MGAT4C: variants seen among roughly 807,000 people sequenced by gnomAD.
MGAT4C encodes MGAT4 family member C.
Under a neutral mutation model 40.1 loss-of-function variants are expected in MGAT4C, and 19 were observed. The ratio of observed to expected loss-of-function variants is 0.47; its 90% CI spans 0.33 to 0.70. The LOEUF (loss-of-function observed/expected upper bound fraction) is 0.70. MGAT4C is among the 30% of genes least tolerant of loss of function. The probability of loss-of-function intolerance (pLI) is 0.02; values close to 1 mark genes in which losing one functional copy is unlikely to be tolerated. For synonymous variants in MGAT4C, 181 were observed against 187.1 expected, an observed-to-expected ratio of 0.97 and a Z score of 0.27; for missense variants, 491 against 563.2, an observed-to-expected ratio of 0.87 and a Z score of 1.30.
At chr12:86,210,320 T>A (rs2135956617) in intron 1 of MGAT4C, among the ~76,000 whole-genome samples, 1 of 152,330 alleles carries the variant, frequency 6.6e-6, no homozygotes, top group South Asian at 2.1e-4. Context: ...GTTCAGCAAA[T>A]TTTTGTTTCA....
At chr12:86,269,282 T>C (rs1952883071) in intron 4 of MGAT4C, among the ~76,000 whole-genome samples, 1 of 151,222 alleles carries the variant, frequency 6.6e-6, no homozygotes, top group Non-Finnish European at 1.5e-5. Flanking sequence ...TCTTACCTCA[T>C]CTACATATTT....
At chr12:86,768,905 C>G (rs1267354272) in intron 1 of MGAT4C, among the ~76,000 whole-genome samples, 2 of 151,904 alleles carry the variant, frequency 1.3e-5, no homozygotes, top group Non-Finnish European at 2.9e-5. Context: ...GACCTAAAAC[C>G]ATAAAAACCC....
intron 2 of MGAT4C, among the ~76,000 whole-genome samples, chr12:86,502,359 A>G (rs1958362120): frequency 6.6e-6 from 1 of 151,942 alleles, no homozygotes; most frequent in Non-Finnish European, 1.5e-5. Context: ...GGAAGAAAAT[A>G]TCATTAGGTA....
intron 2 of MGAT4C, among the ~76,000 whole-genome samples, chr12:86,660,517 AAG>A (rs1209331114): frequency 6.6e-6 from 1 of 152,170 alleles, no homozygotes; most frequent in Admixed American, 6.6e-5. Context: ...GAGTTCAGGA[AAG>A]AGATCTAACC....
At chr12:86,068,910 G>A (rs990404100) in intron 1 of MGAT4C, among the ~76,000 whole-genome samples, 3 of 152,108 alleles carry the variant, frequency 2.0e-5, no homozygotes, top group South Asian at 4.1e-4. Flanking sequence ...ACTCTGTGAA[G>A]TCCCTCTGTA....
intron 3 of MGAT4C, among the ~76,000 whole-genome samples, chr12:86,420,433 T>C (rs1034240461): frequency 2.0e-5 from 3 of 152,062 alleles, no homozygotes; most frequent in Non-Finnish European, 4.4e-5. Flanking sequence ...TGTTTACTGT[T>C]TAAGCTAATG....
intron 1 of MGAT4C, among the ~76,000 whole-genome samples, chr12:86,164,559 G>A (rs1336590922): frequency 3.9e-5 from 6 of 152,136 alleles, no homozygotes; most frequent in Admixed American, 1.3e-4. Context: ...ATTCTAACTG[G>A]TAATTTTTCT....
intron 3 of MGAT4C, among the ~76,000 whole-genome samples, chr12:86,389,879 T>C (rs1956133494): frequency 6.6e-6 from 1 of 152,234 alleles, no homozygotes; most frequent in Non-Finnish European, 1.5e-5. Context: ...GGATACAGCA[T>C]ATTTCACCGT....
intron 1 of MGAT4C, among the ~76,000 whole-genome samples, chr12:86,139,656 A>G (rs1340225189): frequency 6.6e-6 from 1 of 152,084 alleles, no homozygotes; most frequent in Non-Finnish European, 1.5e-5. Flanking sequence ...ACAATTATAA[A>G]AAGGCATTTC....
chr12:86,377,019 T>C (rs1955840736), intron 3 of MGAT4C, among the ~76,000 whole-genome samples: 1 of 151,890 alleles, frequency 6.6e-6, no homozygotes, highest in South Asian at 2.1e-4. Context: ...TTATTTTTGT[T>C]AAAAGAAACA....
At chr12:86,041,430 C>A (rs77750019) in intron 2 of MGAT4C, among the ~76,000 whole-genome samples, 12,444 of 152,038 alleles carry the variant, frequency 0.082, 1,126 homozygotes, top group African/African-American at 0.23. Flanking sequence ...AATTTTAAAT[C>A]TTTCTAACTT....
intron 1 of MGAT4C, among the ~76,000 whole-genome samples, chr12:86,183,599 G>A (rs954975286): frequency 2.0e-5 from 3 of 152,146 alleles, no homozygotes; most frequent in African/African-American, 7.2e-5. Context: ...ATTGAGTGGT[G>A]TAAACAACAG....
intron 2 of MGAT4C, among the ~76,000 whole-genome samples, chr12:86,040,046 C>T (rs574089050): frequency 6.6e-6 from 1 of 152,310 alleles, no homozygotes; most frequent in East Asian, 1.9e-4. Context: ...CTGGGTACCA[C>T]CGGCAGATGC....
At chr12:86,008,984 TAAGA>T (rs1220864039) in intron 2 of MGAT4C, among the ~76,000 whole-genome samples, 1 of 152,092 alleles carries the variant, frequency 6.6e-6, no homozygotes, top group Non-Finnish European at 1.5e-5. Flanking sequence ...GTTGATTTGC[TAAGA>T]TTTTCTTTCT....
chr12:86,347,035 T>G (rs1434847035), intron 3 of MGAT4C, among the ~76,000 whole-genome samples: 1 of 152,164 alleles, frequency 6.6e-6, no homozygotes, highest in Non-Finnish European at 1.5e-5. Flanking sequence ...GGGCACAGAC[T>G]GAAGACTGCA....
At chr12:86,611,471 T>TAGATAGAC (rs1962274975) in intron 2 of MGAT4C, among the ~76,000 whole-genome samples, 1 of 151,464 alleles carries the variant, frequency 6.6e-6, no homozygotes, top group Non-Finnish European at 1.5e-5. Context: ...GATAGATAGA[T>TAGATAGAC]AGATAGATAG....
intron 2 of MGAT4C, among the ~76,000 whole-genome samples, chr12:86,688,354 C>T (rs193095367): frequency 6.6e-6 from 1 of 151,914 alleles, no homozygotes; most frequent in African/African-American, 2.4e-5. Context: ...CATTTAAGGT[C>T]AATATTGTTA....
chr12:86,430,797 C>G (rs1215081365), intron 3 of MGAT4C, among the ~76,000 whole-genome samples: 1 of 152,060 alleles, frequency 6.6e-6, no homozygotes, highest in African/African-American at 2.4e-5. Context: ...CAATATGGAG[C>G]CATGAAGTGG....
chr12:86,061,349 G>A (rs1893944131), intron 1 of MGAT4C, among the ~76,000 whole-genome samples: 1 of 152,152 alleles, frequency 6.6e-6, no homozygotes, highest in Non-Finnish European at 1.5e-5. Context: ...CTTTTCCCAT[G>A]ACTTTCACAA....
Sources: gnomAD v4.1 joint callset for allele counts (sites outside exome capture counted in the v4.1 genomes callset) on GRCh38, gnomAD v4.1.1 for gene constraint, MANE v1.5 for transcripts, NCBI Gene and HGNC (gene_info 2026-07-23, HGNC 2026-07-21) for gene names.